The following ITPR2 variants were observed in gnomAD, a reference collection of about 807,000 sequenced individuals.
ITPR2 encodes the protein inositol 1,4,5-trisphosphate-gated calcium channel ITPR2.
A neutral mutation model predicts 317.1 loss-of-function variants in ITPR2; 207 were observed. That is an observed-to-expected ratio of 0.65 (90% CI 0.58 to 0.73). ITPR2 has a LOEUF of 0.73. Ranked by LOEUF, ITPR2 falls within the 30% of genes least tolerant of loss-of-function variation. The probability of loss-of-function intolerance (pLI) is 0.00; values close to 1 mark genes in which losing one functional copy is unlikely to be tolerated. For synonymous variants in ITPR2, 1,156 were observed against 1,149.1 expected, an observed-to-expected ratio of 1.01 and a Z score of -0.12; for missense variants, 2,613 against 3,284.0, an observed-to-expected ratio of 0.80 and a Z score of 4.99.
intron 2 of ITPR2, among the ~76,000 whole-genome samples, chr12:26,751,602 G>A (rs1050511539): frequency 2.6e-5 from 4 of 152,168 alleles, no homozygotes; most frequent in Non-Finnish European, 5.9e-5. Context: ...AGGTGCAGTG[G>A]CTGATGCCTG....
At chr12:26,451,197 AAGG>A (rs1482056479) in intron 45 of ITPR2, among the ~76,000 whole-genome samples, 3 of 152,184 alleles carry the variant, frequency 2.0e-5, no homozygotes, top group Non-Finnish European at 2.9e-5. Flanking sequence ...AGTGGACAGA[AAGG>A]AGAACAGGGG....
At chr12:26,637,067 A>G (rs1374038127) in intron 21 of ITPR2, among the ~76,000 whole-genome samples, 3 of 152,226 alleles carry the variant, frequency 2.0e-5, no homozygotes, top group African/African-American at 7.2e-5. Context: ...TGCTCACATT[A>G]TTCTGAAGTG....
intron 13 of ITPR2, among the ~76,000 whole-genome samples, chr12:26,677,643 A>G (rs1947942814): frequency 6.6e-6 from 1 of 152,156 alleles, no homozygotes. Context: ...GATTGTTACA[A>G]TCAACCTTAA....
chr12:26,619,923 T>TA (rs1458119071), intron 26 of ITPR2, among the ~76,000 whole-genome samples: 1 of 152,138 alleles, frequency 6.6e-6, no homozygotes, highest in Non-Finnish European at 1.5e-5. Flanking sequence ...AAATAAAACT[T>TA]AGAGAATGAA....
At chr12:26,371,702 T>A (rs191110767) in intron 55 of ITPR2, among the ~76,000 whole-genome samples, 1 of 152,254 alleles carries the variant, frequency 6.6e-6, no homozygotes, top group South Asian at 2.1e-4. Flanking sequence ...GAGAGGCAGG[T>A]ACGGGGTTGG....
intron 54 of ITPR2, among the ~76,000 whole-genome samples, chr12:26,395,282 G>A (rs1010521490): frequency 3.3e-5 from 5 of 152,028 alleles, no homozygotes; most frequent in Admixed American, 6.6e-5. Flanking sequence ...AAAGGTCAGC[G>A]GGAAGTTAAC....
At chr12:26,754,077 A>G (rs1278625816) in intron 2 of ITPR2, among the ~76,000 whole-genome samples, 2 of 152,344 alleles carry the variant, frequency 1.3e-5, no homozygotes, top group East Asian at 3.9e-4. Context: ...AAGAGGTTAA[A>G]TCAAATATTT....
chr12:26,436,684 C>T (rs999529584), intron 47 of ITPR2, among the ~76,000 whole-genome samples: 2 of 152,008 alleles, frequency 1.3e-5, no homozygotes, highest in African/African-American at 2.4e-5. Context: ...GCCTGGGGTC[C>T]CTTTTAATGA....
Position 26,687,353 on chromosome 12 carries a change from G to A in ITPR2, c.997-721C>T, listed in dbSNP as rs551884775. Among the ~76,000 whole-genome samples, 3 of 152,260 alleles carry A rather than the reference G, an allele frequency of 2.0e-5. No homozygotes were observed. In the South Asian group the frequency reaches 6.2e-4, roughly 32 times the overall value. Reference sequence around the variant, plus strand: ...AACCAAAACAAGGGATGCAATATAAGCTTGGTAGTTAGTAGATAAAAATAG... The same window carrying A: ...AACCAAAACAAGGGATGCAATATAAACTTGGTAGTTAGTAGATAAAAATAG... On this transcript the variant is annotated intron_variant, in intron 10 of 56. Transcript: ENST00000381340.
intron 48 of ITPR2, among the ~76,000 whole-genome samples, chr12:26,432,024 T>C (rs1205071373): frequency 5.8e-5 from 1 of 17,308 alleles, no homozygotes; most frequent in Non-Finnish European, 1.5e-4. Context: ...ACTCCTTACA[T>C]TTATTATTTT....
At chr12:26,797,506 T>C (rs17482299) in intron 1 of ITPR2, among the ~76,000 whole-genome samples, 1 of 152,118 alleles carries the variant, frequency 6.6e-6, no homozygotes, top group Non-Finnish European at 1.5e-5. Context: ...ATATATCTGA[T>C]TCATTTACCA....
chr12:26,672,099 T>C (rs527725801), intron 13 of ITPR2, among the ~76,000 whole-genome samples: 2 of 152,294 alleles, frequency 1.3e-5, no homozygotes, highest in East Asian at 3.9e-4. Flanking sequence ...ACATTAATAA[T>C]GGGAGATGTT....
intron 5 of ITPR2, among the ~76,000 whole-genome samples, chr12:26,716,555 G>A (rs986912895): frequency 7.2e-5 from 11 of 151,942 alleles, no homozygotes; most frequent in African/African-American, 2.7e-4. Flanking sequence ...CTCCCCACGA[G>A]GTCTTATGCC....
At chr12:26,800,354 AAAC>A (rs1189419611) in intron 1 of ITPR2, among the ~76,000 whole-genome samples, 2 of 152,262 alleles carry the variant, frequency 1.3e-5, no homozygotes, top group African/African-American at 2.4e-5. Context: ...GAGTCACCAA[AAAC>A]AACAACAAAT....
chr12:26,545,452 G>A (rs1041928898), intron 37 of ITPR2, among the ~76,000 whole-genome samples: 1 of 152,048 alleles, frequency 6.6e-6, no homozygotes, highest in African/African-American at 2.4e-5. Flanking sequence ...ATGGGGCCAC[G>A]AGCCAAGGAA....
chr12:26,414,767 A>G (rs754970344), intron 51 of ITPR2, among the ~76,000 whole-genome samples: 5 of 152,272 alleles, frequency 3.3e-5, no homozygotes, highest in Middle Eastern at 6.8e-3. Flanking sequence ...TCACACACTG[A>G]TAGATTTGGT....
At chr12:26,495,795 A>C (rs1398838189) in intron 37 of ITPR2, among the ~76,000 whole-genome samples, 2 of 152,232 alleles carry the variant, frequency 1.3e-5, no homozygotes, top group East Asian at 3.8e-4. Flanking sequence ...ATTGGAAAGC[A>C]AAGGGCTTAG....
Position 26,338,114 on chromosome 12 carries a change from T to C in ITPR2, c.*1283A>G, listed in dbSNP as rs899488755. 3 of 152,206 alleles carry C rather than the reference T, an allele frequency of 2.0e-5. No homozygotes were observed. The highest frequency in any genetic ancestry group is 7.2e-5 in the African/African-American group (3 of 41,432). 9.4% of individuals were successfully genotyped at this position (152,206 alleles called of 1,614,324 possible). A position where few individuals can be genotyped will look rare whatever the true frequency, so the allele number is the denominator to read the frequency against. On this transcript the variant is annotated 3_prime_UTR_variant, in exon 57 of 57. Coordinates refer to ENST00000381340, the MANE Select transcript of ITPR2 (RefSeq NM_002223.4). ...GCAGAGTATCTCCCAGAGTCTGGTA[T>C]CAAGTGTCTTCACTCCCTGTCACAT...
chr12:26,761,490 A>G (rs746595168), intron 2 of ITPR2, among the ~76,000 whole-genome samples: 2 of 152,218 alleles, frequency 1.3e-5, no homozygotes, highest in Non-Finnish European at 2.9e-5. Flanking sequence ...GGTCAAAATA[A>G]TCATCTTTAA....
Sources: gnomAD v4.1 joint callset for allele counts (sites outside exome capture counted in the v4.1 genomes callset) on GRCh38, gnomAD v4.1.1 for gene constraint, MANE v1.5 for transcripts, NCBI Gene and HGNC (gene_info 2026-07-23, HGNC 2026-07-21) for gene names.